The following KCNB2 variants were observed in gnomAD, a reference collection of about 807,000 sequenced individuals.
The protein encoded by KCNB2 is delayed rectifier potassium channel protein.
Under a neutral mutation model 61.5 loss-of-function variants are expected in KCNB2, and 15 were observed. The ratio of observed to expected loss-of-function variants is 0.24; its 90% CI spans 0.16 to 0.38. The LOEUF (loss-of-function observed/expected upper bound fraction) is 0.38. KCNB2 is among the 10% of genes least tolerant of loss of function. KCNB2 has a pLI of 1.00. For missense variants in KCNB2, 828 were observed against 1,125.2 expected (o/e 0.74, Z 3.78); for synonymous variants, 457 against 446.0 (o/e 1.02, Z -0.31).
At chr8:72,781,933 G>A (rs930643715) in intron 2 of KCNB2, among the ~76,000 whole-genome samples, 7 of 152,002 alleles carry the variant, frequency 4.6e-5, no homozygotes, top group Non-Finnish European at 8.8e-5. Flanking sequence ...GTCATAGGGA[G>A]GGGAACAACA....
intron 2 of KCNB2, among the ~76,000 whole-genome samples, chr8:72,696,035 T>G (rs1449978287): frequency 6.6e-6 from 1 of 152,198 alleles, no homozygotes; most frequent in Non-Finnish European, 1.5e-5. Flanking sequence ...CCTAAAGCGA[T>G]TTAGTAACTG....
At chr8:72,923,219 G>A (rs1806559013) in intron 2 of KCNB2, among the ~76,000 whole-genome samples, 1 of 151,600 alleles carries the variant, frequency 6.6e-6, no homozygotes, top group South Asian at 2.1e-4. Context: ...AATAGATTGT[G>A]TTTCTTATCA....
intron 2 of KCNB2, among the ~76,000 whole-genome samples, chr8:72,919,830 T>C (rs1257730241): frequency 2.0e-5 from 3 of 152,244 alleles, no homozygotes; most frequent in African/African-American, 7.2e-5. Context: ...CAATGGTGGT[T>C]AAATTTTGCT....
At chr8:72,896,940 T>TTTGTTG (rs755094003) in intron 2 of KCNB2, among the ~76,000 whole-genome samples, 1 of 152,106 alleles carries the variant, frequency 6.6e-6, no homozygotes, top group African/African-American at 2.4e-5. Flanking sequence ...TGAATTGCTT[T>TTTGTTG]TTGTTGTTGT....
At chr8:72,928,231 C>A (rs1035741821) in intron 2 of KCNB2, among the ~76,000 whole-genome samples, 1 of 144,364 alleles carries the variant, frequency 6.9e-6, no homozygotes, top group Non-Finnish European at 1.5e-5. Context: ...CTTCTTCTGT[C>A]ACCCAGGCTG....
chr8:72,605,100 A>G (rs934117981), intron 2 of KCNB2, among the ~76,000 whole-genome samples: 1 of 152,222 alleles, frequency 6.6e-6, no homozygotes, highest in African/African-American at 2.4e-5. Flanking sequence ...AATATGCAAT[A>G]AGAAAGTATT....
At chr8:72,836,443 T>G (rs1809783847) in intron 2 of KCNB2, among the ~76,000 whole-genome samples, 1 of 152,256 alleles carries the variant, frequency 6.6e-6, no homozygotes, top group South Asian at 2.1e-4. Flanking sequence ...AGATGCTTGT[T>G]GCAAGTCATG....
intron 2 of KCNB2, among the ~76,000 whole-genome samples, chr8:72,860,923 A>G (rs1805395404): frequency 6.6e-6 from 1 of 152,206 alleles, no homozygotes; most frequent in South Asian, 2.1e-4. Flanking sequence ...TGTATTATAA[A>G]CCACTTCATA....
intron 2 of KCNB2, among the ~76,000 whole-genome samples, chr8:72,639,933 T>C (rs1409817816): frequency 6.6e-6 from 1 of 150,530 alleles, no homozygotes; most frequent in Non-Finnish European, 1.5e-5. Flanking sequence ...GATGGCACAA[T>C]GTCAAGAAAA....
chr8:72,872,042 C>T (rs1026784976), intron 2 of KCNB2, among the ~76,000 whole-genome samples: 2 of 152,150 alleles, frequency 1.3e-5, no homozygotes, highest in Admixed American at 1.3e-4. Context: ...CTTTTCTCAG[C>T]CTTAGAGAGT....
Position 72,646,941 on chromosome 8 carries a change from T to G in KCNB2, c.579+78628T>G, listed in dbSNP as rs555470664. Among the ~76,000 whole-genome samples, 9 of 152,286 alleles carry G rather than the reference T, an allele frequency of 5.9e-5. No homozygotes were observed. In the South Asian group the frequency reaches 1.9e-3, roughly 32 times the overall value. ...CTAAGGAAAGTTACAGTGATTCTAT[T>G]TTCTTGGCCAAAGTTCCAAAATAAA... On this transcript the variant is annotated intron_variant, in intron 2 of 2. Coordinates refer to ENST00000523207, the MANE Select transcript of KCNB2 (RefSeq NM_004770.3).
At chr8:72,889,021 T>A (rs573640696) in intron 2 of KCNB2, among the ~76,000 whole-genome samples, 1 of 152,198 alleles carries the variant, frequency 6.6e-6, no homozygotes, top group Non-Finnish European at 1.5e-5. Context: ...CTGAAGGAAA[T>A]GTTCTGGATT....
chr8:72,859,428 A>G (rs966278167), intron 2 of KCNB2, among the ~76,000 whole-genome samples: 7 of 152,164 alleles, frequency 4.6e-5, no homozygotes, highest in Non-Finnish European at 1.0e-4. Flanking sequence ...CAATGTATAC[A>G]GAGGCCTGCA....
intron 2 of KCNB2, among the ~76,000 whole-genome samples, chr8:72,748,665 G>A (rs768412315): frequency 2.1e-5 from 3 of 143,556 alleles, no homozygotes; most frequent in African/African-American, 2.6e-5. Flanking sequence ...TATTATAATG[G>A]TTTATTCATT....
rs182551296 is a variant in KCNB2 at position 72,715,407 on chromosome 8, G to C, written c.579+147094G>C. Reference sequence around the variant, plus strand: ...CTATTCCAAAATTGACCACATAATTGGAAGTAAAGCACTCCTCAGCAAATG... The same window carrying C: ...CTATTCCAAAATTGACCACATAATTCGAAGTAAAGCACTCCTCAGCAAATG... On this transcript the variant is annotated intron_variant, in intron 2 of 2. Coordinates refer to ENST00000523207, the MANE Select transcript of KCNB2 (RefSeq NM_004770.3). Among the ~76,000 whole-genome samples the C allele has an allele frequency of 4.2e-3, 639 of 152,184 alleles. 3 individuals carry two copies. The highest frequency in any genetic ancestry group is 7.6e-3 in the Non-Finnish European group (515 of 68,020).
At position 72,764,174 on chromosome 8, in the gene KCNB2, G is replaced by A. The variant is rs188901107; in HGVS notation, c.580-171761G>A. Among the ~76,000 whole-genome samples the A allele has an allele frequency of 2.1e-3, 316 of 152,268 alleles. 2 individuals are homozygous for A. Among genetic ancestry groups the A allele is most frequent in the African/African-American group, 7.4e-3 (306 of 41,552 alleles). ...AAAGAGGCGCAGTGCCCTGAGAGTT[G>A]GCAGAGCACAGTGACGGAGAAAGGC... On this transcript the variant is annotated intron_variant, in intron 2 of 2. Coordinates refer to ENST00000523207, the MANE Select transcript of KCNB2 (RefSeq NM_004770.3).
rs768290922 is a variant in KCNB2, at chr8:72,567,915, C to T, written c.181C>T (p.Leu61=). ...RTLDRLPRTR[L]GKLRDCNTHE... ...GCTGGACAGGCTGCCCAGGACGCGC[C>T]TGGGGAAGCTTCGAGACTGCAACAC... The change falls in exon 2 of 3, where the codon CTG becomes TTG. Residue 61 remains leucine (L), a synonymous_variant. Transcript: ENST00000523207. 1 of 1,613,802 alleles carries T rather than the reference C, an allele frequency of 6.2e-7. No individual in the cohort carries two copies. Among genetic ancestry groups the T allele is most frequent in the Non-Finnish European group, 8.5e-7 (1 of 1,179,958 alleles).
intron 2 of KCNB2, among the ~76,000 whole-genome samples, chr8:72,783,528 A>G (rs1402793090): frequency 3.9e-5 from 6 of 152,154 alleles, no homozygotes; most frequent in Admixed American, 2.6e-4. Flanking sequence ...TGCTCAGGGT[A>G]CAATTCAATG....
chr8:72,636,012 T>C (rs571988903), intron 2 of KCNB2, among the ~76,000 whole-genome samples: 1 of 152,288 alleles, frequency 6.6e-6, no homozygotes, highest in South Asian at 2.1e-4. Flanking sequence ...TGAGATTAAA[T>C]AAGTTTACAG....
Sources: allele counts gnomAD v4.1 joint callset (sites outside exome capture counted in the v4.1 genomes callset), GRCh38; gene constraint gnomAD v4.1.1; transcripts MANE v1.5; gene names NCBI Gene and HGNC (gene_info 2026-07-23, HGNC 2026-07-21).